The following TBCD variants were observed in gnomAD, a reference collection of about 807,000 sequenced individuals.
TBCD encodes tubulin-specific chaperone D.
Under a neutral mutation model 169.3 loss-of-function variants are expected in TBCD, and 105 were observed. That is an observed-to-expected ratio of 0.62 (90% CI 0.53 to 0.73). The LOEUF (loss-of-function observed/expected upper bound fraction) is 0.73, where lower values mean the gene tolerates loss of function less well. Ranked by LOEUF, TBCD falls within the 30% of genes least tolerant of loss-of-function variation. The probability of loss-of-function intolerance (pLI) is 0.00; values close to 1 mark genes in which losing one functional copy is unlikely to be tolerated. For missense variants in TBCD, 1,444 were observed against 1,600.1 expected, an observed-to-expected ratio of 0.90 and a Z score of 1.66; for synonymous variants, 700 against 643.9, an observed-to-expected ratio of 1.09 and a Z score of -1.32.
At chr17:82,761,777 G>A (rs548341234) in intron 2 of TBCD, among the ~76,000 whole-genome samples, 5 of 151,462 alleles carry the variant, frequency 3.3e-5, no homozygotes, top group Admixed American at 3.3e-4. Flanking sequence ...GTGCGGTGGA[G>A]TGCAGTGGTG....
At chr17:82,774,199 C>T (rs1482285639) in intron 6 of TBCD, among the ~76,000 whole-genome samples, 1 of 152,142 alleles carries the variant, frequency 6.6e-6, no homozygotes, top group African/African-American at 2.4e-5. Context: ...ACCCTGCGGC[C>T]TTCCGCAGTG....
intron 12 of TBCD, 123 bp downstream of exon 12, chr17:82,809,905 T>C (rs2051301557): frequency 1.2e-6 from 1 of 827,170 alleles, no homozygotes; most frequent in Non-Finnish European, 1.9e-6. Context: ...GAAGCTCTTT[T>C]TTCCCCCTTT....
rs2058618973 is a variant in TBCD at position 82,884,898 on chromosome 17, T to C, written c.1533+696T>C. ...ACCAGTCTCAAGATAAGAGTCTTTA[T>C]TTCAGATACAGATAAGACGCTGAAC... On this transcript the variant is annotated intron_variant, in intron 15 of 38. Coordinates refer to ENST00000355528, the MANE Select transcript of TBCD (RefSeq NM_005993.5). The surrounding 1 kb of genome is among the most constrained non-coding windows in gnomAD (Gnocchi z 4.2). 1 of 152,252 alleles carries C rather than the reference T, an allele frequency of 6.6e-6. No individual in the cohort carries two copies. The highest frequency in any genetic ancestry group is 2.1e-4 in the South Asian group (1 of 4,828). The allele number at this position is 152,252 out of a possible 1,614,324, so 9.4% of individuals were successfully genotyped here.
intron 2 of TBCD, among the ~76,000 whole-genome samples, chr17:82,758,084 C>A (rs1342654321): frequency 6.6e-6 from 1 of 151,922 alleles, no homozygotes; most frequent in East Asian, 1.9e-4. Flanking sequence ...GAGTTATTTT[C>A]TTTCTTTGCA....
chr17:82,800,762 T>C, intron 8 of TBCD, 102 bp from the exon 9 acceptor site: 2 of 1,434,764 alleles, frequency 1.4e-6, no homozygotes, highest in Non-Finnish European at 1.9e-6. Context: ...GTCTCCTGCC[T>C]CAAGGCCCCT....
At chr17:82,769,462 G>A (rs757755171) in intron 5 of TBCD, among the ~76,000 whole-genome samples, 6 of 152,194 alleles carry the variant, frequency 3.9e-5, no homozygotes, top group South Asian at 4.1e-4. Flanking sequence ...CAGTTGTCTC[G>A]GTCTTCCTGC....
intron 13 of TBCD, among the ~76,000 whole-genome samples, chr17:82,869,000 G>A (rs992023361): frequency 2.0e-5 from 3 of 152,078 alleles, no homozygotes; most frequent in African/African-American, 4.8e-5. Context: ...TGCGTGGAGC[G>A]GGTCGTGTGC....
intron 14 of TBCD, among the ~76,000 whole-genome samples, chr17:82,881,911 C>T (rs144859798): frequency 1.3e-5 from 2 of 150,718 alleles, no homozygotes; most frequent in African/African-American, 2.4e-5. Context: ...GTCTCTCCCC[C>T]CTCTCCCCTC....
intron 14 of TBCD, among the ~76,000 whole-genome samples, chr17:82,882,945 C>T (rs1027130539): frequency 4.6e-5 from 7 of 152,248 alleles, no homozygotes; most frequent in African/African-American, 1.4e-4. Flanking sequence ...ACGGTGCCTG[C>T]GCTGCCAGGC....
intron 37 of TBCD, 23 bp downstream of exon 37, chr17:82,939,499 C>T (rs764128459): frequency 1.4e-5 from 22 of 1,584,868 alleles, no homozygotes; most frequent in South Asian, 6.7e-5. Context: ...CCTTCCTGCA[C>T]GGCCACCTGG....
chr17:82,860,169 T>C (rs960287804), intron 13 of TBCD, among the ~76,000 whole-genome samples: 2 of 152,182 alleles, frequency 1.3e-5, no homozygotes, highest in African/African-American at 4.8e-5. Flanking sequence ...TGCCTGTTTT[T>C]GCTTCTTTCA....
chr17:82,852,832 T>A (rs193149846), intron 13 of TBCD, among the ~76,000 whole-genome samples: 52 of 152,298 alleles, frequency 3.4e-4, no homozygotes, highest in Admixed American at 5.9e-4. Context: ...CATTCGTGTG[T>A]GAGTTTTTGT....
rs990721820 is a variant in TBCD, at chr17:82,752,117, C to A, written c.-77C>A. ...CGCCTCCTTTTCATCCCTCATCCTT[C>A]ATCCCTGGCTTTCGCGCTCTAGCGG... On this transcript the variant is annotated 5_prime_UTR_variant, in exon 1 of 39. Coordinates refer to ENST00000355528, the MANE Select transcript of TBCD (RefSeq NM_005993.5). 3.6e-6 allele frequency: 5 copies of A among 1,389,274 alleles called. No individual in the cohort carries two copies. The highest frequency in any genetic ancestry group is 4.7e-6 in the Non-Finnish European group (5 of 1,068,858). The allele number at this position is 1,389,274 out of a possible 1,614,324, so 86.1% of individuals were successfully genotyped here. A position where few individuals can be genotyped will look rare whatever the true frequency, so the allele number is the denominator to read the frequency against.
chr17:82,925,881 A>G (rs1331946751), intron 27 of TBCD, among the ~76,000 whole-genome samples: 5 of 152,242 alleles, frequency 3.3e-5, no homozygotes, highest in Middle Eastern at 3.4e-3. Flanking sequence ...CCAGACCCCC[A>G]GTGACACCCT....
intron 13 of TBCD, among the ~76,000 whole-genome samples, chr17:82,819,524 G>T (rs2052228777): frequency 6.6e-6 from 1 of 152,124 alleles, no homozygotes; most frequent in South Asian, 2.1e-4. Context: ...ATGAGATCCT[G>T]TTTCTACAAA....
intron 13 of TBCD, chr17:82,840,232 G>A (rs1854760869): frequency 1.3e-5 from 2 of 152,260 alleles, no homozygotes; most frequent in African/African-American, 4.8e-5. Context: ...GTCTGTGAGT[G>A]CGGCGTCGGT....
chr17:82,822,505 A>G (rs917147829), intron 13 of TBCD, among the ~76,000 whole-genome samples: 3 of 152,214 alleles, frequency 2.0e-5, no homozygotes, highest in African/African-American at 7.2e-5. Flanking sequence ...GAGCTGGGAC[A>G]GCGGAAAGAG....
chr17:82,800,170 A>G (rs1199864759), intron 8 of TBCD, among the ~76,000 whole-genome samples: 2 of 151,938 alleles, frequency 1.3e-5, no homozygotes, highest in Admixed American at 6.5e-5. Context: ...CTTCCAGCCC[A>G]TCTCTGAAGC....
chr17:82,886,961 G>A (rs2058755435), intron 15 of TBCD, among the ~76,000 whole-genome samples: 1 of 151,714 alleles, frequency 6.6e-6, no homozygotes, highest in African/African-American at 2.4e-5. Flanking sequence ...GAGCCACTGT[G>A]CCTGGCGGAG....
Sources: gnomAD v4.1 joint callset for allele counts (sites outside exome capture counted in the v4.1 genomes callset) on GRCh38, gnomAD v4.1.1 for gene constraint, Gnocchi (gnomAD v3.1) non-coding constraint, MANE v1.5 for transcripts, NCBI Gene and HGNC (gene_info 2026-07-23, HGNC 2026-07-21) for gene names.